The following DOCK2 variants were observed in gnomAD, a reference collection of about 807,000 sequenced individuals.
The protein encoded by DOCK2 is dedicator of cytokinesis protein 2.
DOCK2 carries 87 observed loss-of-function variants against 248.9 expected under a neutral mutation model. The ratio of observed to expected loss-of-function variants is 0.35; its 90% CI spans 0.29 to 0.42. The LOEUF is 0.42. DOCK2 is among the 10% of genes least tolerant of loss of function. DOCK2 has a pLI of 1.00. For synonymous variants in DOCK2, 805 were observed against 821.6 expected, an observed-to-expected ratio of 0.98 and a Z score of 0.35; for missense variants, 1,747 against 2,300.2, an observed-to-expected ratio of 0.76 and a Z score of 4.92.
intron 9 of DOCK2, among the ~76,000 whole-genome samples, chr5:169,692,302 A>T (rs543449682): frequency 6.6e-6 from 1 of 152,328 alleles, no homozygotes; most frequent in South Asian, 2.1e-4. Context: ...AGCACTAATG[A>T]GTTCCTAAAT....
At chr5:170,029,017 C>T (rs1255864322) in intron 34 of DOCK2, among the ~76,000 whole-genome samples, 3 of 152,050 alleles carry the variant, frequency 2.0e-5, no homozygotes, top group African/African-American at 4.8e-5. Flanking sequence ...TTTTACTATT[C>T]GTATTGATTC....
chr5:169,667,965 T>G (rs984018474), intron 2 of DOCK2, among the ~76,000 whole-genome samples: 1 of 152,210 alleles, frequency 6.6e-6, no homozygotes, highest in Non-Finnish European at 1.5e-5. Context: ...TTTTGGAGAT[T>G]TAGACATTGA....
At chr5:170,034,294 G>A in intron 34 of DOCK2, 105 bp from the exon 35 acceptor site, 1 of 1,408,768 alleles carries the variant, frequency 7.1e-7, no homozygotes, top group Middle Eastern at 1.8e-4. Flanking sequence ...CAGGGAACTT[G>A]GGTTGACTGA....
chr5:170,056,400 A>G (rs1757132408), intron 42 of DOCK2: 1 of 296,170 alleles, frequency 3.4e-6, no homozygotes, highest in Non-Finnish European at 6.2e-6. Flanking sequence ...ATCATGACCT[A>G]GGCCATCAAT....
chr5:169,879,329 A>G (rs1772505545), intron 27 of DOCK2, among the ~76,000 whole-genome samples: 1 of 152,232 alleles, frequency 6.6e-6, no homozygotes, highest in Admixed American at 6.5e-5. Flanking sequence ...CTGACTTTCC[A>G]GAACACAACG....
At chr5:169,735,197 T>G (rs1392212347) in intron 22 of DOCK2, among the ~76,000 whole-genome samples, 2 of 152,202 alleles carry the variant, frequency 1.3e-5, no homozygotes, top group Admixed American at 1.3e-4. Flanking sequence ...CTTCTTAGGA[T>G]GAAGACAAAA....
intron 41 of DOCK2, 119 bp downstream of exon 41, chr5:170,050,516 A>C: frequency 8.2e-7 from 1 of 1,215,448 alleles, no homozygotes; most frequent in Non-Finnish European, 1.1e-6. Flanking sequence ...CAGTGGCGCC[A>C]TGTTGCAGGA....
chr5:169,676,187 G>A (rs1759326924), intron 6 of DOCK2, among the ~76,000 whole-genome samples: 1 of 152,146 alleles, frequency 6.6e-6, no homozygotes, highest in Non-Finnish European at 1.5e-5. Context: ...CCTTGGCCCG[G>A]GGTAGGTGCT....
intron 45 of DOCK2, 52 bp from the exon 46 acceptor site, chr5:170,069,085 T>C (rs1757591860): frequency 1.2e-5 from 19 of 1,539,352 alleles, no homozygotes; most frequent in Non-Finnish European, 1.7e-5. Context: ...AGAGATTGGC[T>C]GTGAAATGCC....
intron 7 of DOCK2, among the ~76,000 whole-genome samples, chr5:169,682,472 T>C (rs901534363): frequency 3.9e-5 from 6 of 152,178 alleles, no homozygotes; most frequent in African/African-American, 1.4e-4. Context: ...TAGGCAATGA[T>C]TTGCAGAGGC....
At chr5:169,829,402 G>A (rs1358703587) in intron 26 of DOCK2, among the ~76,000 whole-genome samples, 1 of 152,152 alleles carries the variant, frequency 6.6e-6, no homozygotes, top group Non-Finnish European at 1.5e-5. Context: ...GTTTTCATTA[G>A]CCCATGCAGT....
At chr5:169,741,239 T>C (rs1763287295) in intron 22 of DOCK2, among the ~76,000 whole-genome samples, 1 of 152,186 alleles carries the variant, frequency 6.6e-6, no homozygotes, top group African/African-American at 2.4e-5. Flanking sequence ...ATGGTGGCAG[T>C]GACCTTACAG....
chr5:169,883,626 G>GC, intron 27 of DOCK2: 1 of 1,551,534 alleles, frequency 6.4e-7, no homozygotes, highest in Non-Finnish European at 8.7e-7. Context: ...TGTTGCGAAA[G>GC]CCCCCTGCCT....
At chr5:169,909,364 G>C (rs1344698406) in intron 27 of DOCK2, among the ~76,000 whole-genome samples, 4 of 152,142 alleles carry the variant, frequency 2.6e-5, no homozygotes, top group Non-Finnish European at 1.5e-5. Flanking sequence ...GAGTGATTAA[G>C]GAAATGAAAT....
At chr5:169,724,430 A>T (rs1762362262) in intron 22 of DOCK2, among the ~76,000 whole-genome samples, 2 of 152,158 alleles carry the variant, frequency 1.3e-5, no homozygotes. Context: ...AGGTGAGCTC[A>T]CACTCCTTGG....
At chr5:170,046,486 G>C (rs1305247860) in intron 39 of DOCK2, among the ~76,000 whole-genome samples, 2 of 152,220 alleles carry the variant, frequency 1.3e-5, no homozygotes, top group African/African-American at 4.8e-5. Context: ...CATGTTTTCT[G>C]GCTGCCTGAG....
At chr5:169,864,158 A>G in intron 27 of DOCK2, 1 of 925,068 alleles carries the variant, frequency 1.1e-6, no homozygotes, top group East Asian at 2.6e-5. Flanking sequence ...TCACAGGCCA[A>G]GGGGCTCACA....
chr5:170,047,475 T>A lies in DOCK2; in HGVS notation c.3967-35T>A, dbSNP rs370910015. On this transcript the variant is annotated intron_variant, in intron 39 of 51. Transcript: ENST00000520908. Reference sequence around the variant, plus strand: ...GAGTTGAATGTGCCTTTGATACACATCTGTGTTGCAACAAACCTTGTTTTC... The same window carrying A: ...GAGTTGAATGTGCCTTTGATACACAACTGTGTTGCAACAAACCTTGTTTTC... The A allele has an allele frequency of 1.0e-5, 16 of 1,597,754 alleles. No homozygotes were observed. The African/African-American group carries it at 2.0e-4, about 20-fold the overall frequency.
intron 9 of DOCK2, among the ~76,000 whole-genome samples, chr5:169,690,630 T>G (rs959207862): frequency 2.0e-5 from 3 of 152,236 alleles, no homozygotes; most frequent in Non-Finnish European, 4.4e-5. Flanking sequence ...GGAGCCTATT[T>G]ATTTTCTGGA....
Sources: allele counts gnomAD v4.1 joint callset (sites outside exome capture counted in the v4.1 genomes callset), GRCh38; gene constraint gnomAD v4.1.1; transcripts MANE v1.5; gene names NCBI Gene and HGNC (gene_info 2026-07-23, HGNC 2026-07-21).